ROBO1: variants seen among roughly 807,000 people sequenced by gnomAD.
The protein encoded by ROBO1 is roundabout guidance receptor 1, also known as roundabout homolog 1.
A neutral mutation model predicts 195.9 loss-of-function variants in ROBO1; 149 were observed. The observed-to-expected ratio is 0.76, with a 90% CI of 0.67 to 0.87. The LOEUF (loss-of-function observed/expected upper bound fraction) is 0.87. ROBO1 is among the 40% of genes least tolerant of loss of function. ROBO1 has a pLI of 0.00. For missense variants in ROBO1, 1,933 were observed against 2,068.3 expected, an observed-to-expected ratio of 0.93 and a Z score of 1.27; for synonymous variants, 816 against 733.2, an observed-to-expected ratio of 1.11 and a Z score of -1.82.
intron 18 of ROBO1, among the ~76,000 whole-genome samples, chr3:78,654,910 G>A (rs1389627719): frequency 5.9e-5 from 9 of 152,044 alleles, no homozygotes; most frequent in Non-Finnish European, 1.5e-5. Context: ...TTATTTCAAT[G>A]TTCATAAATT....
chr3:79,018,428 C>A, intron 3 of ROBO1: 1 of 1,613,792 alleles, frequency 6.2e-7, no homozygotes, highest in Non-Finnish European at 8.5e-7. Context: ...CATATTAATC[C>A]AAACAGGTAA....
intron 4 of ROBO1, among the ~76,000 whole-genome samples, chr3:78,867,337 G>A (rs529742841): frequency 2.0e-5 from 3 of 152,110 alleles, no homozygotes; most frequent in African/African-American, 7.2e-5. Context: ...TGGGATAAGA[G>A]CAAAATGCTA....
At chr3:79,496,488 A>G (rs2107476669) in intron 2 of ROBO1, among the ~76,000 whole-genome samples, 1 of 142,926 alleles carries the variant, frequency 7.0e-6, no homozygotes, top group African/African-American at 2.6e-5. Context: ...GGTTCACGCC[A>G]TTCTCCTGCC....
intron 2 of ROBO1, among the ~76,000 whole-genome samples, chr3:79,392,138 C>T (rs1248261395): frequency 1.3e-5 from 2 of 152,148 alleles, no homozygotes; most frequent in Non-Finnish European, 2.9e-5. Flanking sequence ...AGGAAGGGAT[C>T]CTCTGAGAAT....
chr3:79,038,713 T>C (rs551262926), intron 3 of ROBO1, among the ~76,000 whole-genome samples: 1 of 145,122 alleles, frequency 6.9e-6, no homozygotes, highest in African/African-American at 2.7e-5. Context: ...AAAGTCCAAT[T>C]TAAAAAAAAA....
At chr3:78,984,468 T>C (rs1338087826) in intron 3 of ROBO1, among the ~76,000 whole-genome samples, 1 of 152,162 alleles carries the variant, frequency 6.6e-6, no homozygotes, top group African/African-American at 2.4e-5. Flanking sequence ...GTGAGAAGTA[T>C]ACAAGCAAAT....
intron 1 of ROBO1, among the ~76,000 whole-genome samples, chr3:79,732,560 A>T (rs1405338836): frequency 6.6e-6 from 1 of 152,118 alleles, no homozygotes; most frequent in Non-Finnish European, 1.5e-5. Context: ...ATGGTTTATG[A>T]GTCTCAAATT....
At chr3:79,050,330 T>A (rs2078673252) in intron 3 of ROBO1, among the ~76,000 whole-genome samples, 1 of 152,132 alleles carries the variant, frequency 6.6e-6, no homozygotes, top group Non-Finnish European at 1.5e-5. Flanking sequence ...AAGGGATCAA[T>A]TCAACAAGAA....
At chr3:78,944,010 G>C (rs1436609575) in intron 3 of ROBO1, among the ~76,000 whole-genome samples, 1 of 152,164 alleles carries the variant, frequency 6.6e-6, no homozygotes, top group Non-Finnish European at 1.5e-5. Flanking sequence ...TTGTTATAAA[G>C]TCTAAGCAGG....
chr3:78,908,117 C>A (rs1270700479), intron 4 of ROBO1, among the ~76,000 whole-genome samples: 2 of 148,826 alleles, frequency 1.3e-5, no homozygotes, highest in Admixed American at 6.7e-5. Context: ...CCTGCATCAA[C>A]TAAAGAACAT....
intron 2 of ROBO1, among the ~76,000 whole-genome samples, chr3:79,495,376 A>G (rs1337006021): frequency 2.0e-5 from 3 of 152,172 alleles, no homozygotes; most frequent in Non-Finnish European, 4.4e-5. Context: ...ATACTTGGGG[A>G]ATATGTAATT....
intron 4 of ROBO1, among the ~76,000 whole-genome samples, chr3:78,774,387 C>T (rs559529329): frequency 1.8e-4 from 27 of 152,044 alleles, no homozygotes; most frequent in Middle Eastern, 6.8e-3. Context: ...CTCGGCTCAC[C>T]GCAAGCTACG....
intron 2 of ROBO1, among the ~76,000 whole-genome samples, chr3:79,171,858 C>G (rs963855603): frequency 5.3e-5 from 8 of 151,978 alleles, no homozygotes; most frequent in Admixed American, 5.2e-4. Context: ...AACATTATTA[C>G]TTATAAGTTA....
intron 2 of ROBO1, among the ~76,000 whole-genome samples, chr3:79,178,744 G>A (rs2081295420): frequency 6.6e-6 from 1 of 152,166 alleles, no homozygotes; most frequent in Admixed American, 6.5e-5. Flanking sequence ...TCCCCAAAGT[G>A]CCCATCATAA....
At chr3:79,766,171 G>GGACA (rs1210705775) in intron 1 of ROBO1, among the ~76,000 whole-genome samples, 1 of 151,894 alleles carries the variant, frequency 6.6e-6, no homozygotes, top group Non-Finnish European at 1.5e-5. Flanking sequence ...GACAGGCCAG[G>GGACA]GACAGCATTT....
Position 78,600,147 on chromosome 3 carries a change from T to C in ROBO1, c.4907A>G (p.Tyr1636Cys), listed in dbSNP as rs1559628833. Residue 1636 changes from tyrosine to cysteine, a missense_variant, in exon 30 of 31, where the codon TAT becomes TGT. Tyr to Cys is a radical substitution (Grantham distance 194). This residue lies in a region of ROBO1 where 1,737 missense variants were observed against 1,882.5 expected (regional missense o/e 0.92). Transcript: ENST00000464233. The part of the protein sequence containing the change: ...NIAEMQVLGG[Y>C]ERGEDNNEEL... ...TTCATTATTATCTTCTCCTCTTTCATATCCTCCAAGTACCTGCATTTCTGC... is the reference window on the plus strand; with the variant it reads ...TTCATTATTATCTTCTCCTCTTTCACATCCTCCAAGTACCTGCATTTCTGC... 6.2e-7 allele frequency: 1 copy of C among 1,613,300 alleles called. No homozygotes were observed. The highest frequency in any genetic ancestry group is 2.2e-5 in the East Asian group (1 of 44,812).
chr3:79,608,865 A>T (rs1387325016), intron 1 of ROBO1, among the ~76,000 whole-genome samples: 6 of 151,740 alleles, frequency 4.0e-5, no homozygotes, highest in Admixed American at 4.0e-4. Flanking sequence ...TGAAATTCCA[A>T]CCTCCAATGT....
At chr3:79,323,758 C>A (rs2034089550) in intron 2 of ROBO1, among the ~76,000 whole-genome samples, 1 of 152,014 alleles carries the variant, frequency 6.6e-6, no homozygotes, top group Admixed American at 6.6e-5. Context: ...TTTGGAAATC[C>A]AAGCTTTCCT....
intron 4 of ROBO1, among the ~76,000 whole-genome samples, chr3:78,829,738 T>C (rs2031975952): frequency 6.6e-6 from 1 of 152,186 alleles, no homozygotes; most frequent in Non-Finnish European, 1.5e-5. Context: ...AAAAGCGTTG[T>C]AGATAAGAGT....
Sources: gnomAD v4.1 joint callset for allele counts (sites outside exome capture counted in the v4.1 genomes callset) on GRCh38, gnomAD v4.1.1 for gene constraint, gnomAD v4.1.1 regional missense constraint, MANE v1.5 for transcripts, NCBI Gene and HGNC (gene_info 2026-07-23, HGNC 2026-07-21) for gene names.